Variants in NPFFR1 observed in about 807,000 individuals in gnomAD.
NPFFR1 encodes G-protein coupled receptor 147.
In NPFFR1, 17 loss-of-function variants were observed where a neutral mutation model predicts 12.7. The ratio of observed to expected loss-of-function variants is 1.34; its 90% CI spans 0.92 to 2.01. The LOEUF is 2.01. Among genes scored for constraint, NPFFR1 ranks in the 30% most tolerant of loss-of-function variants. The pLI, the probability that NPFFR1 is intolerant of heterozygous loss-of-function variation, is 0.00. For synonymous variants in NPFFR1, 296 were observed against 264.5 expected (o/e 1.12, Z -1.16); for missense variants, 604 against 606.5 (o/e 1.00, Z 0.04).
In NPFFR1 at chr10:70,254,876, C is replaced by T; in HGVS notation, c.*81G>A. On this transcript the variant is annotated 3_prime_UTR_variant, in exon 4 of 4. Coordinates refer to ENST00000277942, the MANE Select transcript of NPFFR1 (RefSeq NM_022146.5). ...GGAGGGACCACGCATCCTCACCTAA[C>T]CACACCAGGCCGCTATCGCCTGCAT... 2 of 1,354,644 alleles carry T rather than the reference C, an allele frequency of 1.5e-6. No homozygotes were observed. The highest frequency in any genetic ancestry group is 1.9e-5 in the South Asian group (1 of 52,028). The allele number at this position is 1,354,644 out of a possible 1,614,324, so 83.9% of individuals were successfully genotyped here. A position where few individuals can be genotyped will look rare whatever the true frequency, so the allele number is the denominator to read the frequency against.
chr10:70,255,475 G>A lies in NPFFR1; in HGVS notation c.775C>T (p.Pro259Ser), dbSNP rs1392760542. The change falls in exon 4 of 4, where the codon CCG (proline) becomes TCG (serine). Residue 259 changes from proline to serine, a missense_variant. Physicochemically the swap from Pro to Ser is moderately conservative, Grantham distance 74. Coordinates refer to ENST00000277942, the MANE Select transcript of NPFFR1 (RefSeq NM_022146.5). The surrounding 1 kb of genome is among the most constrained non-coding windows in gnomAD (Gnocchi z 4.2). ...PAPGGEEAAD[P>S]RASRRRARVV... ...CGCGCTCTGCGCCGCGATGCTCGCGGGTCCGCAGCCTCCTCGCCCCCGGGG... is the reference window on the plus strand; with the variant it reads ...CGCGCTCTGCGCCGCGATGCTCGCGAGTCCGCAGCCTCCTCGCCCCCGGGG... 1 of 1,548,172 alleles carries A rather than the reference G, an allele frequency of 6.5e-7. No homozygotes were observed. Among genetic ancestry groups the A allele is most frequent in the East Asian group, 2.4e-5 (1 of 40,820 alleles).
chr10:70,271,584 A>C (rs551025243), intron 1 of NPFFR1, among the ~76,000 whole-genome samples: 88 of 152,254 alleles, frequency 5.8e-4, no homozygotes, highest in South Asian at 1.7e-3. Context: ...GGTGTGACCT[A>C]GGGTAGGTCA....
At chr10:70,283,615 G>A in intron 1 of NPFFR1, 55 bp downstream of exon 1, 2 of 1,499,414 alleles carry the variant, frequency 1.3e-6, no homozygotes, top group South Asian at 1.2e-5. Context: ...TTCGCCCCAT[G>A]CCCCGGAGTC....
chr10:70,265,063 G>A (rs190385427), intron 2 of NPFFR1, among the ~76,000 whole-genome samples: 2 of 152,352 alleles, frequency 1.3e-5, no homozygotes, highest in East Asian at 3.9e-4. Context: ...GGCAAAGGAA[G>A]CTGGGACTCA....
At position 70,247,360 on chromosome 10, in the gene NPFFR1, A is replaced by G. The variant is rs1400722432; in HGVS notation, c.*7597T>C. The G allele has an allele frequency of 6.6e-6, 1 of 152,260 alleles. No individual in the cohort carries two copies. Among genetic ancestry groups the G allele is most frequent in the Non-Finnish European group, 1.5e-5 (1 of 68,046 alleles). The allele number at this position is 152,260 out of a possible 1,614,324, so 9.4% of individuals were successfully genotyped here. On this transcript the variant is annotated 3_prime_UTR_variant, in exon 4 of 4. Transcript: ENST00000277942. Reference sequence around the variant, plus strand: ...ATAATGAGTTTATTTTCCATAATTTATAGCATAGGTAACAGAATCATTTTG... The same window carrying G: ...ATAATGAGTTTATTTTCCATAATTTGTAGCATAGGTAACAGAATCATTTTG...
At chr10:70,278,100 G>A in intron 1 of NPFFR1, 1 of 460,902 alleles carries the variant, frequency 2.2e-6, no homozygotes, top group Non-Finnish European at 4.4e-6. Flanking sequence ...AGCCCTGAGT[G>A]ATAGAAAGTT....
At position 70,254,996 on chromosome 10, in the gene NPFFR1, G is replaced by A. The variant is rs1202195274; in HGVS notation, c.1254C>T (p.Cys418=). 1 of 1,443,954 alleles carries A rather than the reference G, an allele frequency of 6.9e-7. No homozygotes were observed. Among genetic ancestry groups the A allele is most frequent in the African/African-American group, 1.5e-5 (1 of 67,082 alleles). 89.4% of individuals were successfully genotyped at this position (1,443,954 alleles called of 1,614,324 possible). Residue 418 remains cysteine (C), a synonymous_variant, in exon 4 of 4, where the codon TGC becomes TGT. Transcript: ENST00000277942. Reference sequence around the variant, plus strand: ...CTGGAATGGTGAGGGGCAGGTGGGAGCAGCCAGGCCCTTCCCTGGGCAAGC... The same window carrying A: ...CTGGAATGGTGAGGGGCAGGTGGGAACAGCCAGGCCCTTCCCTGGGCAAGC... ...HHGLPREGPG[C]SHLPLTIPAW... is the part of the protein sequence containing the mutation.
intron 1 of NPFFR1, among the ~76,000 whole-genome samples, chr10:70,269,988 A>G (rs976219314): frequency 2.0e-5 from 3 of 152,168 alleles, no homozygotes; most frequent in Non-Finnish European, 4.4e-5. Context: ...AGCTCTCAGC[A>G]TAAATGTTGT....
Position 70,266,189 on chromosome 10 carries a change from C to A in NPFFR1, c.210G>T (p.Lys70Asn), listed in dbSNP as rs376320410. 50 of 1,613,914 alleles carry A rather than the reference C, an allele frequency of 3.1e-5. No individual in the cohort carries two copies. Among genetic ancestry groups the A allele is most frequent in the Non-Finnish European group, 4.1e-5 (48 of 1,179,916 alleles). ...TGGTGACAGTATGCATGTGCCGGTT[C>A]TTGAGCACGATGAAACAGACCAGGG... ...GNTLVCFIVL[K>N]NRHMHTVTNM... is the part of the protein sequence containing the mutation. The change falls in exon 2 of 4, where the codon AAG (lysine) becomes AAT (asparagine). Residue 70 changes from lysine (K) to asparagine (N), a missense_variant. By Grantham distance (94) the Lys-to-Asn change is moderately conservative. Transcript: ENST00000277942.
intron 3 of NPFFR1, among the ~76,000 whole-genome samples, chr10:70,259,240 C>T (rs1228331838): frequency 2.6e-5 from 4 of 151,228 alleles, no homozygotes; most frequent in African/African-American, 7.3e-5. Flanking sequence ...CAGCCAAGAT[C>T]GCCATGGCAC....
chr10:70,273,826 T>C (rs770324853), intron 1 of NPFFR1, among the ~76,000 whole-genome samples: 20 of 152,232 alleles, frequency 1.3e-4, no homozygotes, highest in Non-Finnish European at 2.6e-4. Flanking sequence ...CTGTTGCTTA[T>C]AACCCTAGTG....
intron 1 of NPFFR1, among the ~76,000 whole-genome samples, chr10:70,277,376 G>A (rs1840814894): frequency 6.6e-6 from 1 of 152,186 alleles, no homozygotes; most frequent in Non-Finnish European, 1.5e-5. Flanking sequence ...ATTAAATGGG[G>A]GTCTTGTTGT....
chr10:70,273,917 G>C (rs961013848), intron 1 of NPFFR1, among the ~76,000 whole-genome samples: 1 of 152,042 alleles, frequency 6.6e-6, no homozygotes, highest in Non-Finnish European at 1.5e-5. Flanking sequence ...AGAATCCCAG[G>C]GTCAGAGAAA....
intron 1 of NPFFR1, among the ~76,000 whole-genome samples, chr10:70,268,964 G>A (rs1220233842): frequency 6.6e-6 from 1 of 152,182 alleles, no homozygotes; most frequent in African/African-American, 2.4e-5. Flanking sequence ...GCATTTGGTA[G>A]ACGTGATGCT....
chr10:70,278,459 T>A (rs921862743), intron 1 of NPFFR1, among the ~76,000 whole-genome samples: 3 of 152,234 alleles, frequency 2.0e-5, no homozygotes, highest in South Asian at 4.1e-4. Flanking sequence ...TTTTGGTATG[T>A]TGAGATAACC....
Position 70,250,815 on chromosome 10 carries a change from T to G in NPFFR1, c.*4142A>C, listed in dbSNP as rs1311164881. 1 of 152,192 alleles carries G rather than the reference T, an allele frequency of 6.6e-6. No homozygotes were observed. Among genetic ancestry groups the G allele is most frequent in the Non-Finnish European group, 1.5e-5 (1 of 68,032 alleles). 9.4% of individuals were successfully genotyped at this position (152,192 alleles called of 1,614,324 possible). On this transcript the variant is annotated 3_prime_UTR_variant, in exon 4 of 4. Coordinates refer to ENST00000277942, the MANE Select transcript of NPFFR1 (RefSeq NM_022146.5). ...CATAACTATATACAACTGTTAAAACTCGTCAAGCAGTACACTTAAGACGGG... is the reference window on the plus strand; with the variant it reads ...CATAACTATATACAACTGTTAAAACGCGTCAAGCAGTACACTTAAGACGGG...
rs1406175000 is a variant in NPFFR1 at position 70,251,722 on chromosome 10, C to T, written c.*3235G>A. The stretch of plus-strand genomic sequence containing the variant: ...AACCTGGAGGTGGAGGATGGCGTGT[C>T]AGGAATGGTCCACACCACTTGCCCG... On this transcript the variant is annotated 3_prime_UTR_variant, in exon 4 of 4. Coordinates refer to ENST00000277942, the MANE Select transcript of NPFFR1 (RefSeq NM_022146.5). 1 of 152,288 alleles carries T rather than the reference C, an allele frequency of 6.6e-6. No individual in the cohort carries two copies. Among genetic ancestry groups the T allele is most frequent in the East Asian group, 1.9e-4 (1 of 5,200 alleles). 9.4% of individuals were successfully genotyped at this position (152,288 alleles called of 1,614,324 possible).
In NPFFR1 at chr10:70,255,689, G is replaced by A. The variant is rs1840562327; in HGVS notation, c.561C>T (p.His187=). ...GGTTGCGGGCGTCCACCATGAAGTG[G>A]TGCTCCTCACGGGTGACGGTCAGCG... is the stretch of plus-strand genomic sequence containing the variant. ...AVTLTVTREE[H]HFMVDARNRS... The change falls in exon 4 of 4, where the codon CAC becomes CAT. Residue 187 remains histidine, a synonymous_variant. Coordinates refer to ENST00000277942, the MANE Select transcript of NPFFR1 (RefSeq NM_022146.5). This position sits in a 1 kb window ranked among gnomAD's most constrained non-coding sequence, Gnocchi z 4.2. 1.2e-6 allele frequency: 2 copies of A among 1,605,332 alleles called. No homozygotes were observed. Among genetic ancestry groups the A allele is most frequent in the Non-Finnish European group, 1.7e-6 (2 of 1,176,344 alleles).
intron 1 of NPFFR1, among the ~76,000 whole-genome samples, chr10:70,276,945 T>G (rs1164201944): frequency 6.6e-6 from 1 of 152,240 alleles, no homozygotes; most frequent in African/African-American, 2.4e-5. Context: ...TTGCTTCAGT[T>G]GCTTCATTTG....
Sources: allele counts gnomAD v4.1 joint callset (sites outside exome capture counted in the v4.1 genomes callset), GRCh38; gene constraint gnomAD v4.1.1; non-coding constraint Gnocchi (gnomAD v3.1); transcripts MANE v1.5; gene names NCBI Gene and HGNC (gene_info 2026-07-23, HGNC 2026-07-21).